BCAS3: variants seen among roughly 807,000 people sequenced by gnomAD.
The protein encoded by BCAS3 is BCAS4/BCAS3 fusion.
Under a neutral mutation model 116.1 loss-of-function variants are expected in BCAS3, and 53 were observed. The ratio of observed to expected loss-of-function variants is 0.46; its 90% confidence interval spans 0.37 to 0.57. The LOEUF (loss-of-function observed/expected upper bound fraction) is 0.57, where lower values mean the gene tolerates loss of function less well. BCAS3 is among the 20% of genes least tolerant of loss of function. BCAS3 has a pLI of 0.00. For synonymous variants in BCAS3, 391 were observed against 408.2 expected (o/e 0.96, Z 0.51); for missense variants, 917 against 1,165.4 (o/e 0.79, Z 3.10).
At chr17:61,263,194 A>G (rs2049379696) in intron 22 of BCAS3, among the ~76,000 whole-genome samples, 1 of 152,200 alleles carries the variant, frequency 6.6e-6, no homozygotes, top group South Asian at 2.1e-4. Context: ...AAACCAAGAA[A>G]CCAACAGGGG....
intron 22 of BCAS3, among the ~76,000 whole-genome samples, chr17:61,169,000 A>C (rs2078684080): frequency 6.6e-6 from 1 of 152,256 alleles, no homozygotes; most frequent in African/African-American, 2.4e-5. Flanking sequence ...GAGATCAGAC[A>C]GGGGCCTGCT....
chr17:61,321,239 A>G (rs931860534), intron 22 of BCAS3, among the ~76,000 whole-genome samples: 6 of 152,196 alleles, frequency 3.9e-5, no homozygotes, highest in Admixed American at 2.0e-4. Flanking sequence ...CATCCTCTGA[A>G]TAGATATGGC....
chr17:60,718,065 G>T (rs1215016926), intron 5 of BCAS3, among the ~76,000 whole-genome samples: 2 of 152,188 alleles, frequency 1.3e-5, no homozygotes, highest in African/African-American at 2.4e-5. Flanking sequence ...TAATGCTGCT[G>T]CTGACCTGAC....
chr17:61,143,494 A>T (rs1021810389), intron 22 of BCAS3, among the ~76,000 whole-genome samples: 8 of 152,254 alleles, frequency 5.3e-5, no homozygotes, highest in African/African-American at 1.7e-4. Flanking sequence ...TGGTCAGGAC[A>T]TAATGCTTGC....
At chr17:61,085,285 G>A (rs928091444) in intron 22 of BCAS3, among the ~76,000 whole-genome samples, 8 of 152,124 alleles carry the variant, frequency 5.3e-5, no homozygotes, top group Admixed American at 2.0e-4. Context: ...TGAAGACAGC[G>A]CATGGCAGGA....
chr17:60,821,799 C>T (rs77371917), intron 7 of BCAS3: 24,415 of 151,982 alleles, frequency 0.16, 2,146 homozygotes, highest in African/African-American at 0.23. Flanking sequence ...GATCCTCCCA[C>T]TGGGGAGCTG....
intron 7 of BCAS3, among the ~76,000 whole-genome samples, chr17:60,859,259 A>G (rs1374917551): frequency 6.6e-6 from 1 of 151,768 alleles, no homozygotes; most frequent in Non-Finnish European, 1.5e-5. Context: ...ATTGTATGTC[A>G]CTGGAGTTTG....
intron 19 of BCAS3, among the ~76,000 whole-genome samples, chr17:61,042,928 G>GATCAC (rs948693425): frequency 4.5e-5 from 6 of 132,538 alleles, no homozygotes; most frequent in African/African-American, 1.9e-4. Context: ...AAGAAAGAAA[G>GATCAC]ATCACTCTGG....
intron 14 of BCAS3, among the ~76,000 whole-genome samples, chr17:60,974,133 A>G (rs2062149838): frequency 6.6e-6 from 1 of 152,192 alleles, no homozygotes; most frequent in South Asian, 2.1e-4. Flanking sequence ...TTCTTATCAC[A>G]CTAAAGTTTA....
chr17:61,326,782 T>C lies in BCAS3; in HGVS notation c.2426-41545T>C, dbSNP rs2055766510. Among the ~76,000 whole-genome samples the C allele has an allele frequency of 6.6e-6, 1 of 152,124 alleles. No homozygotes were observed. Among genetic ancestry groups the C allele is most frequent in the Non-Finnish European group, 1.5e-5 (1 of 68,026 alleles). The stretch of plus-strand genomic sequence containing the variant: ...GATGTTAAATCTACAGTCAGATCTA[T>C]GGGTCTTCAGCACAGAAGAGGTGTT... On this transcript the variant is annotated intron_variant, in intron 22 of 23. Coordinates refer to ENST00000407086, the MANE Select transcript of BCAS3 (RefSeq NM_017679.5). The surrounding 1 kb of genome is among the most constrained non-coding windows in gnomAD (Gnocchi z 5.3).
chr17:61,148,295 G>A (rs899556855), intron 22 of BCAS3, among the ~76,000 whole-genome samples: 3 of 152,124 alleles, frequency 2.0e-5, no homozygotes, highest in Non-Finnish European at 4.4e-5. Flanking sequence ...ATTTTATTTG[G>A]TGTAGTAGCT....
chr17:61,120,471 G>T (rs1360301862), intron 22 of BCAS3, among the ~76,000 whole-genome samples: 1 of 151,956 alleles, frequency 6.6e-6, no homozygotes, highest in African/African-American at 2.4e-5. Flanking sequence ...ATGTGTGTGT[G>T]CATATACACA....
chr17:60,699,106 C>T (rs2036038460), intron 4 of BCAS3, among the ~76,000 whole-genome samples: 1 of 152,118 alleles, frequency 6.6e-6, no homozygotes, highest in Non-Finnish European at 1.5e-5. Context: ...AACAAAAAAA[C>T]AGGATTCCGT....
At position 61,206,693 on chromosome 17, in the gene BCAS3, C is replaced by T. The variant is rs184514068; in HGVS notation, c.2425+122129C>T. ...GTGCACACCTGTAATCTCAGCTACT[C>T]GGGAGGCTGAAGCAGGAGAATCGCT... On this transcript the variant is annotated intron_variant, in intron 22 of 23. Coordinates refer to ENST00000407086, the MANE Select transcript of BCAS3 (RefSeq NM_017679.5). 1.1e-4 allele frequency among the ~76,000 whole-genome samples: 17 copies of T among 150,210 alleles called. No homozygotes were observed. The East Asian group carries it at 2.0e-3, about 18-fold the overall frequency.
rs780529516 is a variant in BCAS3 at position 61,274,281 on chromosome 17, ATTTTTTTT to A, written c.2426-94028_2426-94021del. Reference sequence around the variant, plus strand: ...TTCACACTTTCTTTAAAATCTTTGAATTTTTTTTTTTTTTTTTTTTTTTTTGAGACAAG... The same window carrying A: ...TTCACACTTTCTTTAAAATCTTTGAATTTTTTTTTTTTTTTTTGAGACAAG... On this transcript the variant is annotated intron_variant, in intron 22 of 23. Transcript: ENST00000407086. 2.6e-3 allele frequency among the ~76,000 whole-genome samples: 250 copies of A among 96,238 alleles called. 3 individuals carry two copies. The highest frequency in any genetic ancestry group is 0.01 in the African/African-American group (239 of 23,716). 63.1% of individuals were successfully genotyped at this position (96,238 alleles called of 152,430 possible).
At chr17:61,185,173 C>G (rs1466236940) in intron 22 of BCAS3, among the ~76,000 whole-genome samples, 2 of 151,936 alleles carry the variant, frequency 1.3e-5, no homozygotes, top group African/African-American at 4.8e-5. Context: ...GGTTGACTTG[C>G]CAGAATCAAC....
At position 61,215,906 on chromosome 17, in the gene BCAS3, T is replaced by G. The variant is rs1238098598; in HGVS notation, c.2425+131342T>G. Reference sequence around the variant, plus strand: ...CAGCCAGATTTGAAAACCTTTGTCTTAGTCAGATCTCTGTGCTTTTCAGGA... The same window carrying G: ...CAGCCAGATTTGAAAACCTTTGTCTGAGTCAGATCTCTGTGCTTTTCAGGA... On this transcript the variant is annotated intron_variant, in intron 22 of 23. Coordinates refer to ENST00000407086, the MANE Select transcript of BCAS3 (RefSeq NM_017679.5). This position sits in a 1 kb window ranked among gnomAD's most constrained non-coding sequence, Gnocchi z 4.8. Among the ~76,000 whole-genome samples the G allele has an allele frequency of 6.6e-6, 1 of 152,200 alleles. No individual in the cohort carries two copies. The highest frequency in any genetic ancestry group is 1.5e-5 in the Non-Finnish European group (1 of 68,028).
rs181856672 is a variant in BCAS3, at chr17:61,208,989, A to T, written c.2425+124425A>T. On this transcript the variant is annotated intron_variant, in intron 22 of 23. Coordinates refer to ENST00000407086, the MANE Select transcript of BCAS3 (RefSeq NM_017679.5). The surrounding 1 kb of genome is among the most constrained non-coding windows in gnomAD (Gnocchi z 4.5). Reference sequence around the variant, plus strand: ...AGAATTATACCTCTGGTTGGTTCAAAATTGCTTAAATGTTGAAACATATGG... The same window carrying T: ...AGAATTATACCTCTGGTTGGTTCAATATTGCTTAAATGTTGAAACATATGG... 4.9e-3 allele frequency among the ~76,000 whole-genome samples: 745 copies of T among 152,292 alleles called. 18 individuals are homozygous for T. The highest frequency in any genetic ancestry group is 0.034 in the Admixed American group (527 of 15,286).
At chr17:61,137,314 G>A (rs1405387187) in intron 22 of BCAS3, among the ~76,000 whole-genome samples, 1 of 152,158 alleles carries the variant, frequency 6.6e-6, no homozygotes, top group African/African-American at 2.4e-5. Flanking sequence ...TTCAAAGCCT[G>A]TACTCATTCC....
Sources: allele counts gnomAD v4.1 joint callset (sites outside exome capture counted in the v4.1 genomes callset), GRCh38; gene constraint gnomAD v4.1.1; non-coding constraint Gnocchi (gnomAD v3.1); transcripts MANE v1.5; gene names NCBI Gene and HGNC (gene_info 2026-07-23, HGNC 2026-07-21).